Variants in DSP observed in about 807,000 individuals in gnomAD.
DSP encodes the protein desmoplakin.
In DSP, 114 loss-of-function variants were observed where a neutral mutation model predicts 290.6. The ratio of observed to expected loss-of-function variants is 0.39; its 90% confidence interval spans 0.34 to 0.46. The LOEUF (loss-of-function observed/expected upper bound fraction) is 0.46. Ranked by LOEUF, DSP falls within the 20% of genes least tolerant of loss-of-function variation. The probability of loss-of-function intolerance (pLI) is 0.99; values close to 1 mark genes in which losing one functional copy is unlikely to be tolerated. For missense variants in DSP, 3,230 were observed against 3,495.8 expected (o/e 0.92, Z 1.92); for synonymous variants, 1,311 against 1,316.4 (o/e 1.00, Z 0.09).
In DSP at chr6:7,585,716, C is replaced by T. The variant is rs778015932; in HGVS notation, c.8454C>T (p.Asn2818=). The change falls in exon 24 of 24, where the codon AAC becomes AAT. Residue 2818 remains asparagine (N), a synonymous_variant. Coordinates refer to ENST00000379802, the MANE Select transcript of DSP (RefSeq NM_004415.4). ...VSSKGLPSPY[N]MSSAPGSRSG... ...CCAAGGGCTTACCCAGCCCTTACAA[C>T]ATGTCTTCGGCTCCGGGGTCCCGCT... The T allele has an allele frequency of 3.1e-6, 5 of 1,613,428 alleles. No homozygotes were observed. Among genetic ancestry groups the T allele is most frequent in the East Asian group, 4.5e-5 (2 of 44,874 alleles).
rs1190197652 is a variant in DSP at position 7,569,360 on chromosome 6, A to G, written c.1574+20A>G. On this transcript the variant is annotated intron_variant, in intron 12 of 23. Coordinates refer to ENST00000379802, the MANE Select transcript of DSP (RefSeq NM_004415.4). ...TTGCAAGTAAGTCATCCAAGTTCCC[A>G]AAGCCACGCATGCACGCATGAATGT... 6.2e-7 allele frequency: 1 copy of G among 1,614,200 alleles called. No homozygotes were observed. Among genetic ancestry groups the G allele is most frequent in the Admixed American group, 1.7e-5 (1 of 60,012 alleles).
chr6:7,563,989 A>C (rs1302476032), intron 6 of DSP, among the ~76,000 whole-genome samples: 2 of 152,194 alleles, frequency 1.3e-5, no homozygotes, highest in Non-Finnish European at 2.9e-5. Flanking sequence ...GGGTTTCACC[A>C]TGTTCACCAT....
chr6:7,562,912 T>C, intron 5 of DSP, 132 bp downstream of exon 5: 3 of 1,356,946 alleles, frequency 2.2e-6, no homozygotes, highest in Admixed American at 1.9e-5. Flanking sequence ...TGTTTAGAAA[T>C]CCCACTTCTT....
At chr6:7,567,145 T>C (rs1250025995) in intron 8 of DSP, among the ~76,000 whole-genome samples, 1 of 152,214 alleles carries the variant, frequency 6.6e-6, no homozygotes, top group Non-Finnish European at 1.5e-5. Context: ...TGGTGTCTAT[T>C]TGTGAAAGCT....
At chr6:7,561,824 C>T (rs946742987) in intron 4 of DSP, among the ~76,000 whole-genome samples, 4 of 152,146 alleles carry the variant, frequency 2.6e-5, no homozygotes, top group African/African-American at 9.7e-5. Flanking sequence ...GAATGTTTGC[C>T]CTTGGCATGT....
At chr6:7,568,958 CAAAT>C (rs1028351189) in intron 11 of DSP, among the ~76,000 whole-genome samples, 1 of 150,176 alleles carries the variant, frequency 6.7e-6, no homozygotes, top group Non-Finnish European at 1.5e-5. Context: ...ACAGTGAGAC[CAAAT>C]AAATAAATAA....
chr6:7,567,999 G>A (rs1382220072), intron 10 of DSP, 93 bp downstream of exon 10: 1 of 1,556,820 alleles, frequency 6.4e-7, no homozygotes, highest in Non-Finnish European at 8.7e-7. Flanking sequence ...TAGTATTATT[G>A]TACAATGCAC....
At chr6:7,552,491 A>T (rs1241868087) in intron 1 of DSP, among the ~76,000 whole-genome samples, 7 of 151,158 alleles carry the variant, frequency 4.6e-5, no homozygotes, top group African/African-American at 1.7e-4. Flanking sequence ...TGAACCCAGG[A>T]AGTGGAGGTT....
In DSP at chr6:7,569,375, C is replaced by T. The variant is rs550984127; in HGVS notation, c.1574+35C>T. 3.7e-5 allele frequency: 59 copies of T among 1,614,034 alleles called. No homozygotes were observed. In the East Asian group the frequency reaches 8.0e-4, roughly 22 times the overall value. ...CCAAGTTCCCAAAGCCACGCATGCA[C>T]GCATGAATGTGAGGGCAGAGGAAGA... On this transcript the variant is annotated intron_variant, in intron 12 of 23. Coordinates refer to ENST00000379802, the MANE Select transcript of DSP (RefSeq NM_004415.4).
rs566190310 is a variant in DSP, at chr6:7,558,914, A to T, written c.423-312A>T. 1.7e-4 allele frequency among the ~76,000 whole-genome samples: 26 copies of T among 152,324 alleles called. No homozygotes were observed. The South Asian group carries it at 4.8e-3, about 28-fold the overall frequency. ...AAATGTAGTCTGAATTTGTTCTACT[A>T]CTACCTGGGGCCCAGGGTACTAGGA... is the stretch of plus-strand genomic sequence containing the variant. On this transcript the variant is annotated intron_variant, in intron 3 of 23. Transcript: ENST00000379802.
At position 7,577,859 on chromosome 6, in the gene DSP, G is replaced by T. The variant is rs786205415; in HGVS notation, c.2958G>T (p.Gln986His). ...LNIPIKRTMI[Q>H]SPSGVILQEA... ...TACCTATCAAGAGGACCATGATTCA[G>T]TCCCCTTCTGGGGTGATTCTGCAAG... Residue 986 changes from glutamine (Q) to histidine (H), a missense_variant, in exon 21 of 24, where the codon CAG (glutamine) becomes CAT (histidine). By Grantham distance (24) the Gln-to-His change is conservative. Around this residue, in one of 5 missense-constraint regions of DSP, gnomAD observed 1,714 missense variants for 1,844.5 expected, o/e 0.93. Coordinates refer to ENST00000379802, the MANE Select transcript of DSP (RefSeq NM_004415.4). 2.5e-6 allele frequency: 4 copies of T among 1,614,094 alleles called. No individual in the cohort carries two copies. The highest frequency in any genetic ancestry group is 3.4e-6 in the Non-Finnish European group (4 of 1,180,022).
At chr6:7,572,751 C>G (rs537008807) in intron 15 of DSP, among the ~76,000 whole-genome samples, 1 of 152,008 alleles carries the variant, frequency 6.6e-6, no homozygotes, top group South Asian at 2.1e-4. Flanking sequence ...GCTTAATGAC[C>G]GGGGCACATT....
At position 7,579,523 on chromosome 6, in the gene DSP, C is replaced by A. The variant is rs1759349079; in HGVS notation, c.3333C>A (p.Ile1111=). 7 of 1,613,810 alleles carry A rather than the reference C, an allele frequency of 4.3e-6. No individual in the cohort carries two copies. The highest frequency in any genetic ancestry group is 5.9e-6 in the Non-Finnish European group (7 of 1,180,030). ...YGQIKELNEK[I]TRLTYEIEDE... ...AAATAAAAGAACTCAATGAGAAGAT[C>A]ACCCGACTGACTTATGAGATTGAAG... The change falls in exon 23 of 24, where the codon ATC becomes ATA. Residue 1111 remains isoleucine, a synonymous_variant. Coordinates refer to ENST00000379802, the MANE Select transcript of DSP (RefSeq NM_004415.4). This position sits in a 1 kb window ranked among gnomAD's most constrained non-coding sequence, Gnocchi z 4.1.
rs756323368 is a variant in DSP at position 7,583,187 on chromosome 6, G to A, written c.5925G>A (p.Val1975=). ...TGTTTGATGGGCTGAGGAAGAAGGT[G>A]ACAGCAATGCAGCTCTATGAGTGTC... The part of the protein sequence containing the change: ...KLVFDGLRKK[V]TAMQLYECQL... Residue 1975 remains valine, a synonymous_variant, in exon 24 of 24, where the codon GTG becomes GTA. Coordinates refer to ENST00000379802, the MANE Select transcript of DSP (RefSeq NM_004415.4). The surrounding 1 kb of genome is among the most constrained non-coding windows in gnomAD (Gnocchi z 4.0). The A allele has an allele frequency of 1.9e-6, 3 of 1,614,128 alleles. No homozygotes were observed. The highest frequency in any genetic ancestry group is 2.5e-6 in the Non-Finnish European group (3 of 1,180,028).
intron 5 of DSP, 26 bp downstream of exon 5, chr6:7,562,806 G>A: frequency 6.2e-7 from 1 of 1,613,598 alleles, no homozygotes; most frequent in Non-Finnish European, 8.5e-7. Context: ...TCATTTTAGA[G>A]TCTTCAAAAT....
chr6:7,568,005 T>C (rs1464280675), intron 10 of DSP, 99 bp downstream of exon 10: 2 of 1,527,658 alleles, frequency 1.3e-6, no homozygotes, highest in Non-Finnish European at 1.8e-6. Context: ...TATTGTACAA[T>C]GCACGCCCAG....
At chr6:7,578,706 G>T (rs1045758529) in intron 22 of DSP, 144 bp downstream of exon 22, 16 of 681,856 alleles carry the variant, frequency 2.3e-5, no homozygotes, top group Non-Finnish European at 3.5e-5. Flanking sequence ...CTGCTTGTTT[G>T]TAAGTCTGGG....
chr6:7,550,737 T>A (rs1004306399), intron 1 of DSP, among the ~76,000 whole-genome samples: 1 of 152,110 alleles, frequency 6.6e-6, no homozygotes, highest in Non-Finnish European at 1.5e-5. Flanking sequence ...CTATTAATTT[T>A]GGTTTGGAAG....
intron 15 of DSP, among the ~76,000 whole-genome samples, chr6:7,572,773 A>G (rs577589627): frequency 2.4e-4 from 36 of 152,270 alleles, no homozygotes; most frequent in African/African-American, 7.9e-4. Context: ...TAAGAAATGC[A>G]TGGTTAGGCG....
Sources: gnomAD v4.1 joint callset for allele counts (sites outside exome capture counted in the v4.1 genomes callset) on GRCh38, gnomAD v4.1.1 for gene constraint, gnomAD v4.1.1 regional missense constraint, Gnocchi (gnomAD v3.1) non-coding constraint, MANE v1.5 for transcripts, NCBI Gene and HGNC (gene_info 2026-07-23, HGNC 2026-07-21) for gene names.